PLEKHA5: variants seen among roughly 807,000 people sequenced by gnomAD.
PLEKHA5 encodes pleckstrin homology domain-containing family A member 5.
A neutral mutation model predicts 181.9 loss-of-function variants in PLEKHA5; 55 were observed. That is an observed-to-expected ratio of 0.30 (90% CI 0.24 to 0.38). The LOEUF is 0.38. PLEKHA5 is among the 10% of genes least tolerant of loss of function. PLEKHA5 has a pLI of 1.00. For missense variants in PLEKHA5, 1,432 were observed against 1,549.5 expected, an observed-to-expected ratio of 0.92 and a Z score of 1.27; for synonymous variants, 535 against 529.4, an observed-to-expected ratio of 1.01 and a Z score of -0.15.
At chr12:19,140,901 G>C (rs1179844542) in intron 3 of PLEKHA5, among the ~76,000 whole-genome samples, 1 of 152,146 alleles carries the variant, frequency 6.6e-6, no homozygotes, top group Non-Finnish European at 1.5e-5. Context: ...TGATTCTCCT[G>C]CTTCAGCCTC....
intron 3 of PLEKHA5, among the ~76,000 whole-genome samples, chr12:19,233,093 G>A (rs58200155): frequency 0.053 from 8,075 of 152,182 alleles, 359 homozygotes; most frequent in African/African-American, 0.12. Context: ...GGATATGAGA[G>A]AGAGAAAGAC....
chr12:19,341,744 T>C lies in PLEKHA5; in HGVS notation c.2551-1579T>C, dbSNP rs370056248. On this transcript the variant is annotated intron_variant, in intron 21 of 31. Transcript: ENST00000429027. ...CTTTGAAAACATATTGCTTTTTTTT[T>C]CCCCCTGTGACAGAGTCTCACTCTG... 1.3e-3 allele frequency among the ~76,000 whole-genome samples: 193 copies of C among 151,940 alleles called. 1 individual carries two copies. Among genetic ancestry groups the C allele is most frequent in the African/African-American group, 4.4e-3 (182 of 41,386 alleles).
At chr12:19,184,760 T>G (rs1165519451) in intron 3 of PLEKHA5, among the ~76,000 whole-genome samples, 1 of 152,164 alleles carries the variant, frequency 6.6e-6, no homozygotes, top group Admixed American at 6.5e-5. Context: ...GGGAATGGAA[T>G]TTTTCAAAGA....
chr12:19,245,223 G>GGA (rs1705873414), intron 3 of PLEKHA5, among the ~76,000 whole-genome samples: 1 of 152,100 alleles, frequency 6.6e-6, no homozygotes, highest in African/African-American at 2.4e-5. Context: ...TATTTTCTTT[G>GGA]GACCATGTGT....
intron 15 of PLEKHA5, among the ~76,000 whole-genome samples, chr12:19,312,690 T>A (rs1416989544): frequency 6.6e-6 from 1 of 152,252 alleles, no homozygotes; most frequent in Non-Finnish European, 1.5e-5. Flanking sequence ...TTTGATCTTC[T>A]CTTCAGACCA....
At chr12:19,192,506 T>C (rs2051399143) in intron 3 of PLEKHA5, among the ~76,000 whole-genome samples, 1 of 152,152 alleles carries the variant, frequency 6.6e-6, no homozygotes, top group Admixed American at 6.5e-5. Flanking sequence ...AAGACCAGCC[T>C]GGCCAACATG....
chr12:19,215,192 C>T (rs1051293987), intron 3 of PLEKHA5, among the ~76,000 whole-genome samples: 3 of 151,916 alleles, frequency 2.0e-5, no homozygotes, highest in African/African-American at 7.3e-5. Context: ...AAAAAAATTG[C>T]TCTAAAATGT....
chr12:19,317,049 A>T (rs1314846744), intron 16 of PLEKHA5, among the ~76,000 whole-genome samples: 1 of 152,144 alleles, frequency 6.6e-6, no homozygotes, highest in African/African-American at 2.4e-5. Flanking sequence ...ATTTTCTTAA[A>T]ATTGGTCAAT....
chr12:19,328,333 A>G (rs921558889), intron 20 of PLEKHA5, among the ~76,000 whole-genome samples: 4 of 152,106 alleles, frequency 2.6e-5, no homozygotes, highest in African/African-American at 9.7e-5. Context: ...TGAATTTAAG[A>G]ATTTGTTTTC....
At chr12:19,253,536 G>T (rs1196011273) in intron 3 of PLEKHA5, among the ~76,000 whole-genome samples, 2 of 151,994 alleles carry the variant, frequency 1.3e-5, no homozygotes, top group African/African-American at 4.8e-5. Flanking sequence ...AAGGCTGGCG[G>T]CCAGGTGCCG....
At chr12:19,303,234 G>A (rs1315314244) in intron 15 of PLEKHA5, among the ~76,000 whole-genome samples, 1 of 151,988 alleles carries the variant, frequency 6.6e-6, no homozygotes, top group African/African-American at 2.4e-5. Flanking sequence ...TTTTAAGAGA[G>A]CAATTAAGCC....
chr12:19,324,946 A>G (rs1011052990), intron 20 of PLEKHA5, among the ~76,000 whole-genome samples: 1 of 152,248 alleles, frequency 6.6e-6, no homozygotes, highest in Non-Finnish European at 1.5e-5. Context: ...CTATTTAATG[A>G]TTTGGTATCT....
intron 15 of PLEKHA5, among the ~76,000 whole-genome samples, chr12:19,294,300 A>G (rs1015816465): frequency 6.6e-6 from 1 of 152,166 alleles, no homozygotes; most frequent in Non-Finnish European, 1.5e-5. Context: ...ATTCAGCTCA[A>G]ACATTTCCAG....
chr12:19,334,833 T>A (rs372034740), intron 20 of PLEKHA5, among the ~76,000 whole-genome samples: 13,433 of 21,714 alleles, frequency 0.62, 4,240 homozygotes, highest in Non-Finnish European at 0.72. Context: ...AAAAAAAATA[T>A]ATATATATAT....
At chr12:19,334,861 T>TATACAG (rs2093257316) in intron 20 of PLEKHA5, among the ~76,000 whole-genome samples, 2 of 63,828 alleles carry the variant, frequency 3.1e-5, no homozygotes, top group African/African-American at 9.2e-5. Context: ...TATATATATA[T>TATACAG]ATATATATCT....
rs1384174507 is a variant in PLEKHA5, at chr12:19,359,491, C to A, written c.3428C>A (p.Thr1143Lys). The A allele has an allele frequency of 9.3e-6, 15 of 1,613,718 alleles. No individual in the cohort carries two copies. The highest frequency in any genetic ancestry group is 1.3e-5 in the Non-Finnish European group (15 of 1,179,694). Reference protein sequence around the residue: ...DVKPDHETPATEIVQLKETEP... With the variant: ...DVKPDHETPAKEIVQLKETEP... ...AAGCCAGACCATGAAACTCCTGCAA[C>A]AGAAATTGTTCAACTAAAAGAAACC... The change falls in exon 28 of 32, where the codon ACA becomes AAA. Residue 1143 changes from threonine (T) to lysine (K), a missense_variant. Coordinates refer to ENST00000429027, the MANE Select transcript of PLEKHA5 (RefSeq NM_001256470.2).
At chr12:19,183,320 T>G (rs1186588626) in intron 3 of PLEKHA5, among the ~76,000 whole-genome samples, 1 of 152,206 alleles carries the variant, frequency 6.6e-6, no homozygotes, top group Non-Finnish European at 1.5e-5. Flanking sequence ...CCAGCAAACC[T>G]TAGTTTCCTC....
intron 3 of PLEKHA5, among the ~76,000 whole-genome samples, chr12:19,211,370 G>A (rs1364128606): frequency 1.3e-5 from 2 of 152,060 alleles, no homozygotes; most frequent in Admixed American, 6.6e-5. Context: ...GAGGGCGGTG[G>A]CGAATGCAGT....
Position 19,274,698 on chromosome 12 carries a change from C to T in PLEKHA5, c.1028C>T (p.Pro343Leu). 6.2e-7 allele frequency: 1 copy of T among 1,613,760 alleles called. No homozygotes were observed. The highest frequency in any genetic ancestry group is 1.1e-5 in the South Asian group (1 of 91,062). The change falls in exon 11 of 32, where the codon CCC (proline) becomes CTC (leucine). Residue 343 changes from proline to leucine, a missense_variant. Around this residue, in one of 2 missense-constraint regions of PLEKHA5, gnomAD observed 1,143 missense variants for 1,168.4 expected, o/e 0.98. Transcript: ENST00000429027. ...TTTCAGAAGGATGGTCAAGATAGAC[C>T]CTTAACAAAAATTAATAGTGTAAAG... ...YGFQKDGQDR[P>L]LTKINSVKLN...
Sources: allele counts gnomAD v4.1 joint callset (sites outside exome capture counted in the v4.1 genomes callset), GRCh38; gene constraint gnomAD v4.1.1; regional missense constraint gnomAD v4.1.1; transcripts MANE v1.5; gene names NCBI Gene and HGNC (gene_info 2026-07-23, HGNC 2026-07-21).